The following SAMD3 variants were observed in gnomAD, a reference collection of about 807,000 sequenced individuals.
SAMD3 encodes the protein sterile alpha motif domain containing 3.
SAMD3 carries 63 observed loss-of-function variants against 58.5 expected under a neutral mutation model. That is an observed-to-expected ratio of 1.08 (90% CI 0.88 to 1.33). The LOEUF is 1.33. Among genes scored for constraint, SAMD3 ranks in the 40% most tolerant of loss-of-function variants. The pLI is 0.00. For synonymous variants in SAMD3, 220 were observed against 210.3 expected, an observed-to-expected ratio of 1.05 and a Z score of -0.40; for missense variants, 604 against 608.4, an observed-to-expected ratio of 0.99 and a Z score of 0.08.
At chr6:130,288,952 C>T (rs1775269207) in intron 2 of SAMD3, among the ~76,000 whole-genome samples, 1 of 152,196 alleles carries the variant, frequency 6.6e-6, no homozygotes, top group South Asian at 2.1e-4. Flanking sequence ...TAGCAAACAT[C>T]ACCCTTTGGT....
chr6:130,174,490 C>T (rs941292954), intron 8 of SAMD3, among the ~76,000 whole-genome samples: 2 of 152,118 alleles, frequency 1.3e-5, no homozygotes, highest in Non-Finnish European at 2.9e-5. Context: ...GTGCATTGGA[C>T]CCATTGCCTA....
chr6:130,153,500 C>T (rs1032717570), intron 9 of SAMD3, among the ~76,000 whole-genome samples: 1 of 151,572 alleles, frequency 6.6e-6, no homozygotes, highest in African/African-American at 2.4e-5. Context: ...AGAATTTCTC[C>T]ATGAAATATG....
At chr6:130,350,735 T>C (rs1427038956) in intron 1 of SAMD3, among the ~76,000 whole-genome samples, 1 of 152,166 alleles carries the variant, frequency 6.6e-6, no homozygotes, top group East Asian at 1.9e-4. Context: ...AAAGTTCATA[T>C]GGAACCAAAA....
chr6:130,302,136 C>T (rs1290900825), intron 2 of SAMD3, among the ~76,000 whole-genome samples: 2 of 152,022 alleles, frequency 1.3e-5, no homozygotes, highest in African/African-American at 2.4e-5. Context: ...AACAAACAAA[C>T]ACACAAACCA....
intron 2 of SAMD3, among the ~76,000 whole-genome samples, chr6:130,244,981 G>A (rs1773493175): frequency 6.6e-6 from 1 of 152,178 alleles, no homozygotes; most frequent in Non-Finnish European, 1.5e-5. Flanking sequence ...TGCATGGAAA[G>A]CAGTATTGTG....
In SAMD3 at chr6:130,365,309, G is replaced by A. The variant is rs548823499; in HGVS notation, c.-493C>T. The stretch of plus-strand genomic sequence containing the variant: ...GCTCATCGAAGACCCCCGTGCTTCA[G>A]TTCCCTCTGTCTTCCATTTCCCCCG... On this transcript the variant is annotated 5_prime_UTR_variant, in exon 1 of 14. Coordinates refer to the SAMD3 transcript ENST00000368134. The A allele has an allele frequency of 8.1e-5, 80 of 985,420 alleles. No homozygotes were observed. In the African/African-American group the frequency reaches 1.2e-3, roughly 15 times the overall value. 61.0% of individuals were successfully genotyped at this position (985,420 alleles called of 1,614,324 possible).
intron 8 of SAMD3, among the ~76,000 whole-genome samples, chr6:130,165,392 AACC>A (rs1790641240): frequency 6.6e-6 from 1 of 152,096 alleles, no homozygotes; most frequent in Non-Finnish European, 1.5e-5. Context: ...ACAAAACAAA[AACC>A]AACAAAAACA....
intron 5 of SAMD3, among the ~76,000 whole-genome samples, chr6:130,185,003 C>T (rs1026003640): frequency 1.3e-5 from 2 of 152,170 alleles, no homozygotes; most frequent in African/African-American, 4.8e-5. Flanking sequence ...ATGAGGCCTA[C>T]CATAAAGTCT....
At position 130,182,243 on chromosome 6, in the gene SAMD3, G is replaced by GT. The variant is rs201955453; in HGVS notation, c.654+1859dup. Among the ~76,000 whole-genome samples the GT allele has an allele frequency of 2.1e-3, 273 of 133,054 alleles. 1 individual carries two copies. The highest frequency in any genetic ancestry group is 7.5e-3 in the African/African-American group (259 of 34,372). 87.3% of individuals were successfully genotyped at this position (133,054 alleles called of 152,430 possible). A position where few individuals can be genotyped will look rare whatever the true frequency, so the allele number is the denominator to read the frequency against. Reference sequence around the variant, plus strand: ...TGTGTAGTATTGTTGTTGTTGCCTTGTTTTTTTTCCTTCGCTTTGTTTTGT... The same window carrying GT: ...TGTGTAGTATTGTTGTTGTTGCCTTGTTTTTTTTTCCTTCGCTTTGTTTTGT... On this transcript the variant is annotated intron_variant, in intron 7 of 11. Coordinates refer to ENST00000439090, the MANE Select transcript of SAMD3 (RefSeq NM_001017373.4).
chr6:130,183,290 T>G (rs1356790421), intron 7 of SAMD3: 1 of 424,122 alleles, frequency 2.4e-6, no homozygotes, highest in Non-Finnish European at 4.5e-6. Flanking sequence ...TGAGCTGAGA[T>G]CGCGCCACTA....
chr6:130,209,420 A>C (rs1795347048), intron 5 of SAMD3, 75 bp downstream of exon 5: 1 of 737,086 alleles, frequency 1.4e-6, no homozygotes. Flanking sequence ...ACATCTAAAC[A>C]TATGAAACCT....
At chr6:130,329,827 A>T (rs974117660) in intron 1 of SAMD3, among the ~76,000 whole-genome samples, 1 of 150,208 alleles carries the variant, frequency 6.7e-6, no homozygotes, top group Non-Finnish European at 1.5e-5. Flanking sequence ...AGAAAACCAA[A>T]CACTGCATGT....
At chr6:130,352,004 A>C (rs986338086) in intron 1 of SAMD3, among the ~76,000 whole-genome samples, 2 of 145,804 alleles carry the variant, frequency 1.4e-5, no homozygotes, top group Admixed American at 1.4e-4. Flanking sequence ...GTAGGTGGGA[A>C]TTGAACAATG....
chr6:130,214,323 A>G lies in SAMD3; in HGVS notation c.269+14T>C. 6.5e-7 allele frequency: 1 copy of G among 1,546,154 alleles called. No homozygotes were observed. ...TTGGGAAAAAAAAATAAGGCCATTT[A>G]TGAACATACTCACTCTCGAGCTGCT... is the stretch of plus-strand genomic sequence containing the variant. On this transcript the variant is annotated intron_variant, in intron 4 of 11. Transcript: ENST00000439090.
chr6:130,292,263 C>CTTTTTTTTTTTT (rs1412339110), intron 2 of SAMD3, among the ~76,000 whole-genome samples: 1 of 125,820 alleles, frequency 7.9e-6, no homozygotes, highest in Admixed American at 8.5e-5. Flanking sequence ...CTTTTTTTTT[C>CTTTTTTTTTTTT]TTTCTTTCTT....
At chr6:130,178,382 G>GAAA (rs578242227) in intron 7 of SAMD3, among the ~76,000 whole-genome samples, 4 of 141,952 alleles carry the variant, frequency 2.8e-5, no homozygotes, top group Admixed American at 7.1e-5. Flanking sequence ...GCGGGGAAGG[G>GAAA]AAAAAAAAAA....
At chr6:130,150,713 C>CT (rs535281930) in intron 9 of SAMD3, among the ~76,000 whole-genome samples, 18,108 of 135,952 alleles carry the variant, frequency 0.13, 1,333 homozygotes, top group South Asian at 0.19. Flanking sequence ...GGCCAGAATT[C>CT]TTTTTTTTTT....
At chr6:130,300,889 T>C (rs1164720559) in intron 2 of SAMD3, among the ~76,000 whole-genome samples, 1 of 152,166 alleles carries the variant, frequency 6.6e-6, no homozygotes, top group African/African-American at 2.4e-5. Context: ...GTTACGTAGG[T>C]ATACATGTCC....
At chr6:130,330,840 T>C (rs779001364) in intron 1 of SAMD3, among the ~76,000 whole-genome samples, 36 of 152,194 alleles carry the variant, frequency 2.4e-4, no homozygotes, top group Non-Finnish European at 4.4e-4. Flanking sequence ...CTACCACTTA[T>C]AAAGTCTCTA....
Sources: allele counts gnomAD v4.1 joint callset (sites outside exome capture counted in the v4.1 genomes callset), GRCh38; gene constraint gnomAD v4.1.1; transcripts MANE v1.5; gene names NCBI Gene and HGNC (gene_info 2026-07-23, HGNC 2026-07-21).